The following OCRL variants were observed in gnomAD, a reference collection of about 807,000 sequenced individuals.
OCRL encodes the protein OCRL inositol polyphosphate-5-phosphatase, also known as inositol polyphosphate 5-phosphatase OCRL.
In OCRL, 8 loss-of-function variants were observed where a neutral mutation model predicts 78.9. The ratio of observed to expected loss-of-function variants is 0.10; its 90% CI spans 0.06 to 0.18. OCRL has a LOEUF of 0.18. Ranked by LOEUF, OCRL falls within the 10% of genes least tolerant of loss-of-function variation. The probability of loss-of-function intolerance (pLI) is 1.00; values close to 1 mark genes in which losing one functional copy is unlikely to be tolerated. For synonymous variants in OCRL, 240 were observed against 235.4 expected (o/e 1.02, Z -0.18); for missense variants, 454 against 696.7 (o/e 0.65, Z 3.92).
chrX:129,576,956 G>T (rs1206612005), intron 18 of OCRL, among the ~76,000 whole-genome samples: 1 of 111,881 alleles, frequency 8.9e-6, no homozygotes, highest in African/African-American at 3.2e-5. Flanking sequence ...AGACATTGAC[G>T]TGCCCAGAGT....
intron 4 of OCRL, among the ~76,000 whole-genome samples, chrX:129,557,033 A>G (rs1936062424): frequency 9.0e-6 from 1 of 111,588 alleles, no homozygotes; most frequent in South Asian, 3.8e-4. Flanking sequence ...GAGATAGATC[A>G]GAACGCAGGA....
chrX:129,568,129 G>C (rs950686025), intron 14 of OCRL, among the ~76,000 whole-genome samples: 2 of 108,928 alleles, frequency 1.8e-5, no homozygotes, highest in Non-Finnish European at 3.8e-5. Context: ...TGTTAGCCAG[G>C]ATGGTCTCGA....
intron 15 of OCRL, among the ~76,000 whole-genome samples, chrX:129,573,949 G>A (rs1250427274): frequency 3.6e-5 from 4 of 112,077 alleles, no homozygotes; most frequent in African/African-American, 1.3e-4. Context: ...ATGGGCATTT[G>A]GGTTGGTTCC....
chrX:129,574,206 A>G (rs2124417097), intron 15 of OCRL, among the ~76,000 whole-genome samples: 1 of 112,226 alleles, frequency 8.9e-6, no homozygotes, highest in South Asian at 3.7e-4. Flanking sequence ...CTGTTTCCAC[A>G]TCTTTTTAGA....
At chrX:129,566,668 T>A (rs982811382) in intron 13 of OCRL, among the ~76,000 whole-genome samples, 1 of 112,369 alleles carries the variant, frequency 8.9e-6, no homozygotes, top group African/African-American at 3.2e-5. Context: ...TAGCCAACAT[T>A]CAGGTGATTT....
At chrX:129,550,890 A>G (rs761161118) in intron 4 of OCRL, among the ~76,000 whole-genome samples, 31 of 109,748 alleles carry the variant, frequency 2.8e-4, no homozygotes, top group Non-Finnish European at 5.1e-4. Flanking sequence ...GAATGCCTCA[A>G]GTGGTATTTC....
rs770373366 is a variant in OCRL at position 129,547,417 on chromosome X, C to T, written c.200-1146C>T. The stretch of plus-strand genomic sequence containing the variant: ...GCGGGTGCCTGTAGTCCCAACTACT[C>T]GGGAGGCTGAGGCAGGAGAATGGTG... On this transcript the variant is annotated intron_variant, in intron 3 of 23. Transcript: ENST00000371113. Among the ~76,000 whole-genome samples, 6 of 101,272 alleles carry T rather than the reference C, an allele frequency of 5.9e-5. No homozygotes were observed. The East Asian group carries it at 1.4e-3, about 23-fold the overall frequency. 87.9% of individuals were successfully genotyped at this position (101,272 alleles called of 115,157 possible).
At chrX:129,582,099 C>A (rs1325248927) in intron 18 of OCRL, among the ~76,000 whole-genome samples, 2 of 109,582 alleles carry the variant, frequency 1.8e-5, no homozygotes, top group Non-Finnish European at 3.8e-5. Flanking sequence ...TCCATGCCCC[C>A]CACAAACAGA....
Position 129,562,642 on chromosome X carries a change from C to A in OCRL, c.1100C>A (p.Thr367Asn), listed in dbSNP as rs1319934566. ...GVAVRFVFHN[T>N]TFCIVNSHLA... ...GCTGTGAGATTTGTATTTCACAACA[C>A]CACCTTTTGCATTGTCAATTCCCAT... Residue 367 changes from threonine to asparagine, a missense_variant, in exon 12 of 24, where the codon ACC becomes AAC. Thr to Asn is a moderately conservative substitution (Grantham distance 65). This residue lies in a region of OCRL where 277 missense variants were observed against 517.1 expected (regional missense o/e 0.54). Transcript: ENST00000371113. The A allele has an allele frequency of 8.3e-7, 1 of 1,209,760 alleles. No individual in the cohort carries two copies. Among genetic ancestry groups the A allele is most frequent in the Non-Finnish European group, 1.1e-6 (1 of 894,926 alleles).
chrX:129,547,103 C>T (rs1238112827), intron 3 of OCRL, among the ~76,000 whole-genome samples: 1 of 111,192 alleles, frequency 9.0e-6, no homozygotes, highest in Non-Finnish European at 1.9e-5. Flanking sequence ...GTGGCAGATA[C>T]ATGTAGTCCC....
rs41312594 is a variant in OCRL at position 129,589,474 on chromosome X, A to G, written c.2470-371A>G. 4.5e-3 allele frequency: 1,287 copies of G among 287,501 alleles called. 5 individuals carry two copies. The highest frequency in any genetic ancestry group is 6.9e-3 in the Non-Finnish European group (1,093 of 159,124). 23.7% of individuals were successfully genotyped at this position (287,501 alleles called of 1,213,427 possible). A position where few individuals can be genotyped will look rare whatever the true frequency, so the allele number is the denominator to read the frequency against. The stretch of plus-strand genomic sequence containing the variant: ...CCCCATCCATGCTAAGTGACATTGT[A>G]AAGAAAACCATTCAAACAAAAAAGA... On this transcript the variant is annotated intron_variant, in intron 22 of 23. Coordinates refer to ENST00000371113, the MANE Select transcript of OCRL (RefSeq NM_000276.4).
At chrX:129,583,614 G>A (rs938926723) in intron 18 of OCRL, among the ~76,000 whole-genome samples, 1 of 111,903 alleles carries the variant, frequency 8.9e-6, no homozygotes, top group South Asian at 3.7e-4. Context: ...CTAAGTGGTG[G>A]TGGTAGTTAT....
In OCRL at chrX:129,540,414, T is replaced by C; in HGVS notation, c.-26T>C. On this transcript the variant is annotated 5_prime_UTR_variant, in exon 1 of 24. Coordinates refer to ENST00000371113, the MANE Select transcript of OCRL (RefSeq NM_000276.4). ...CGTCGGATCGGCCCGCAGTCCGCTG[T>C]CCTGCTGAGCCCGGAGGCCGCCTGG... is the stretch of plus-strand genomic sequence containing the variant. 8.7e-7 allele frequency: 1 copy of C among 1,151,821 alleles called. No homozygotes were observed. The highest frequency in any genetic ancestry group is 1.9e-5 in the South Asian group (1 of 52,424). 94.9% of individuals were successfully genotyped at this position (1,151,821 alleles called of 1,213,427 possible). A position where few individuals can be genotyped will look rare whatever the true frequency, so the allele number is the denominator to read the frequency against.
chrX:129,580,037 A>C (rs5977110), intron 18 of OCRL, among the ~76,000 whole-genome samples: 465 of 112,447 alleles, frequency 4.1e-3, no homozygotes, highest in African/African-American at 0.013. Context: ...TCAAGCCCTT[A>C]TATGCTATAA....
At chrX:129,586,462 T>G (rs1342239365) in intron 19 of OCRL, among the ~76,000 whole-genome samples, 4 of 112,478 alleles carry the variant, frequency 3.6e-5, no homozygotes, top group African/African-American at 1.3e-4. Context: ...TTTACATATG[T>G]GGGTCTAATG....
rs184498342 is a variant in OCRL at position 129,580,861 on chromosome X, C to T, written c.2116-3483C>T. Among the ~76,000 whole-genome samples the T allele has an allele frequency of 3.2e-3, 358 of 111,242 alleles. 1 individual carries two copies. Among genetic ancestry groups the T allele is most frequent in the African/African-American group, 0.011 (345 of 30,561 alleles). On this transcript the variant is annotated intron_variant, in intron 18 of 23. Transcript: ENST00000371113. ...AGAACTTCATTTTCCATTCAGTTTT[C>T]GGCTATTTATTTATTTATTTTTGAG...
At chrX:129,576,810 C>G (rs1265840325) in intron 18 of OCRL, among the ~76,000 whole-genome samples, 2 of 111,778 alleles carry the variant, frequency 1.8e-5, no homozygotes, top group African/African-American at 6.5e-5. Context: ...ACTCCCCTCT[C>G]AAAGATATAA....
At chrX:129,545,738 C>G (rs1935869956) in intron 3 of OCRL, among the ~76,000 whole-genome samples, 1 of 112,157 alleles carries the variant, frequency 8.9e-6, no homozygotes, top group African/African-American at 3.2e-5. Context: ...GTGGCTTTAT[C>G]TAGCAGAAGC....
rs186381752 is a variant in OCRL, at chrX:129,544,523, T to C, written c.120-435T>C. Among the ~76,000 whole-genome samples the C allele has an allele frequency of 2.0e-4, 22 of 111,920 alleles. No individual in the cohort carries two copies. In the East Asian group the frequency reaches 6.2e-3, roughly 31 times the overall value. ...TGGGAATATAATTGGAAGGTTAATT[T>C]ATGAATTTTCTAATTCATTGATTCC... On this transcript the variant is annotated intron_variant, in intron 2 of 23. Transcript: ENST00000371113.
Sources: gnomAD v4.1 joint callset for allele counts (sites outside exome capture counted in the v4.1 genomes callset) on GRCh38, gnomAD v4.1.1 for gene constraint, gnomAD v4.1.1 regional missense constraint, MANE v1.5 for transcripts, NCBI Gene and HGNC (gene_info 2026-07-23, HGNC 2026-07-21) for gene names.